TCF3: variants seen among roughly 807,000 people sequenced by gnomAD.
The protein encoded by TCF3 is transcription factor 3, also known as transcription factor E2-alpha.
TCF3 carries 54 observed loss-of-function variants against 72.3 expected under a neutral mutation model. The observed-to-expected ratio is 0.75, with a 90% CI of 0.60 to 0.94. TCF3 has a LOEUF of 0.94. Ranked by LOEUF, TCF3 falls within the 40% of genes least tolerant of loss-of-function variation. TCF3 has a pLI of 0.00. For synonymous variants in TCF3, 525 were observed against 412.6 expected, an observed-to-expected ratio of 1.27 and a Z score of -3.30; for missense variants, 1,078 against 934.4, an observed-to-expected ratio of 1.15 and a Z score of -2.00.
In TCF3 at chr19:1,648,829, G is replaced by T. The variant is rs371199784; in HGVS notation, c.72+1348C>A. On this transcript the variant is annotated intron_variant, in intron 2 of 18. Transcript: ENST00000262965. Reference sequence around the variant, plus strand: ...CTGCCACTGGGCATGGGGGGGGGGGGGGAGCAGAATTTAAGGACATCTGTA... The same window carrying T: ...CTGCCACTGGGCATGGGGGGGGGGGTGGAGCAGAATTTAAGGACATCTGTA... Among the ~76,000 whole-genome samples, 218 of 147,862 alleles carry T rather than the reference G, an allele frequency of 1.5e-3. 2 individuals are homozygous for T. The highest frequency in any genetic ancestry group is 5.3e-3 in the African/African-American group (214 of 40,150).
chr19:1,642,096 A>G (rs2065328386), intron 3 of TCF3, among the ~76,000 whole-genome samples: 1 of 151,706 alleles, frequency 6.6e-6, no homozygotes, highest in African/African-American at 2.4e-5. Context: ...TCCTGGGCTT[A>G]AAGAAGGTGC....
chr19:1,632,676 CCAGCTTT>C (rs1376698118), intron 3 of TCF3, among the ~76,000 whole-genome samples: 2 of 152,154 alleles, frequency 1.3e-5, no homozygotes, highest in East Asian at 3.9e-4. Flanking sequence ...CACTAAAGCC[CCAGCTTT>C]CATACCCTCC....
At chr19:1,616,018 GACC>G (rs2061514945) in intron 16 of TCF3, among the ~76,000 whole-genome samples, 197 bp from the exon 17 acceptor site, 1 of 152,168 alleles carries the variant, frequency 6.6e-6, no homozygotes, top group South Asian at 2.1e-4. Context: ...ACAGATTAAG[GACC>G]ACAAGATGAA....
chr19:1,611,526 T>A lies in TCF3; in HGVS notation c.*181A>T. ...GTAGGCCAGGGCCCCAGGGAGCTCC[T>A]GGACCCAGTGTCACCTTGGCCGCCC... On this transcript the variant is annotated 3_prime_UTR_variant, in exon 19 of 19. Coordinates refer to ENST00000262965, the MANE Select transcript of TCF3 (RefSeq NM_003200.5). The A allele has an allele frequency of 1.3e-6, 1 of 799,574 alleles. No homozygotes were observed. The highest frequency in any genetic ancestry group is 1.9e-6 in the Non-Finnish European group (1 of 532,700). The allele number at this position is 799,574 out of a possible 1,614,324, so 49.5% of individuals were successfully genotyped here.
At position 1,610,877 on chromosome 19, in the gene TCF3, C is replaced by A. The variant is rs902090425; in HGVS notation, c.*830G>T. The A allele has an allele frequency of 6.0e-6, 1 of 166,136 alleles. No homozygotes were observed. The highest frequency in any genetic ancestry group is 1.1e-5 in the Non-Finnish European group (1 of 87,930). The allele number at this position is 166,136 out of a possible 1,614,324, so 10.3% of individuals were successfully genotyped here. A position where few individuals can be genotyped will look rare whatever the true frequency, so the allele number is the denominator to read the frequency against. On this transcript the variant is annotated 3_prime_UTR_variant, in exon 19 of 19. Coordinates refer to ENST00000262965, the MANE Select transcript of TCF3 (RefSeq NM_003200.5). ...AAGAGAACCCCCAACATCAAAAAAA[C>A]AAAAGACCCGCCGCCTGTCCCCGTT...
At chr19:1,630,094 G>C (rs2063516113) in intron 5 of TCF3, among the ~76,000 whole-genome samples, 1 of 152,346 alleles carries the variant, frequency 6.6e-6, no homozygotes, top group Non-Finnish European at 1.5e-5. Context: ...GGGGTGGCAG[G>C]TGGGACATGG....
In TCF3 at chr19:1,620,953, A is replaced by C. The variant is rs1386135842; in HGVS notation, c.1093+15T>G. 1.4e-6 allele frequency: 2 copies of C among 1,427,752 alleles called. No individual in the cohort carries two copies. The highest frequency in any genetic ancestry group is 1.5e-5 in the South Asian group (1 of 68,810). 88.4% of individuals were successfully genotyped at this position (1,427,752 alleles called of 1,614,324 possible). A position where few individuals can be genotyped will look rare whatever the true frequency, so the allele number is the denominator to read the frequency against. ...ACAGACCTCAGCCTCCCCTCCCCCC[A>C]AAACCCTCACAGACCTGCCAGGCCC... On this transcript the variant is annotated intron_variant, in intron 13 of 18. Coordinates refer to ENST00000262965, the MANE Select transcript of TCF3 (RefSeq NM_003200.5).
At chr19:1,640,875 G>A (rs140048339) in intron 3 of TCF3, among the ~76,000 whole-genome samples, 2,439 of 151,868 alleles carry the variant, frequency 0.016, 67 homozygotes, top group African/African-American at 0.056. Context: ...GCGGCCAGGC[G>A]CGGTGGTTCA....
intron 5 of TCF3, among the ~76,000 whole-genome samples, chr19:1,631,425 T>C (rs955912952): frequency 6.6e-6 from 1 of 152,086 alleles, no homozygotes; most frequent in African/African-American, 2.4e-5. Flanking sequence ...TCCAACACCA[T>C]GACCGGCTAA....
At position 1,619,142 on chromosome 19, in the gene TCF3, AGGGAGGGTGCCTGGCTGGCTG is replaced by A. The variant is rs2061873787; in HGVS notation, c.1398_1418del (p.Ser467_Pro473del). ...AGGAGTCGGGAGGCCGAGACAGGTC[AGGGAGGGTGCCTGGCTGGCTG>A]GGGAGGGCCGCGTGGTTGTGCATGA... On this transcript the variant is annotated inframe_deletion, in exon 16 of 19. Coordinates refer to ENST00000262965, the MANE Select transcript of TCF3 (RefSeq NM_003200.5). The A allele has an allele frequency of 6.3e-7, 1 of 1,599,860 alleles. No homozygotes were observed. The highest frequency in any genetic ancestry group is 1.7e-5 in the Admixed American group (1 of 59,992).
At chr19:1,634,235 G>T (rs1425178661) in intron 3 of TCF3, among the ~76,000 whole-genome samples, 1 of 152,270 alleles carries the variant, frequency 6.6e-6, no homozygotes, top group Non-Finnish European at 1.5e-5. Context: ...GATTAATGAT[G>T]CATTTTAATA....
intron 13 of TCF3, 44 bp downstream of exon 13, chr19:1,620,924 C>A (rs2062120640): frequency 1.4e-6 from 2 of 1,433,358 alleles, no homozygotes; most frequent in African/African-American, 1.5e-5. Context: ...CCCCCCAAAC[C>A]CTCACAGACC....
At chr19:1,649,652 G>T (rs2066688101) in intron 2 of TCF3, among the ~76,000 whole-genome samples, 1 of 152,126 alleles carries the variant, frequency 6.6e-6, no homozygotes. Context: ...GGAACTCCTG[G>T]CCTCAAGCGA....
At chr19:1,644,408 C>T (rs1461621144) in intron 3 of TCF3, among the ~76,000 whole-genome samples, 1 of 152,130 alleles carries the variant, frequency 6.6e-6, no homozygotes, top group Non-Finnish European at 1.5e-5. Flanking sequence ...GGGGTCACCC[C>T]TCTGTGTCCA....
At chr19:1,631,627 G>A (rs991410182) in intron 5 of TCF3, among the ~76,000 whole-genome samples, 2 of 152,074 alleles carry the variant, frequency 1.3e-5, no homozygotes, top group Non-Finnish European at 2.9e-5. Flanking sequence ...GCGGGCGGGC[G>A]GTCTGCGGAA....
At chr19:1,632,989 C>T (rs1599839558) in intron 3 of TCF3, among the ~76,000 whole-genome samples, 1 of 152,160 alleles carries the variant, frequency 6.6e-6, no homozygotes, top group South Asian at 2.1e-4. Context: ...AGGGTGGAGC[C>T]GAATCTCATC....
chr19:1,619,904 T>G, intron 13 of TCF3, 51 bp from the exon 14 acceptor site: 1 of 1,441,796 alleles, frequency 6.9e-7, no homozygotes, highest in Non-Finnish European at 9.5e-7. Context: ...GGTGTGAGCA[T>G]GGCCTGATGC....
At chr19:1,633,734 T>A (rs909644711) in intron 3 of TCF3, among the ~76,000 whole-genome samples, 1 of 152,134 alleles carries the variant, frequency 6.6e-6, no homozygotes, top group South Asian at 2.1e-4. Flanking sequence ...GGGGCTCCTG[T>A]GGTCTCCAGG....
At chr19:1,627,468 G>A (rs759318715) in intron 5 of TCF3, 42 bp from the exon 6 acceptor site, 1 of 1,596,496 alleles carries the variant, frequency 6.3e-7, no homozygotes, top group South Asian at 1.1e-5. Context: ...CGACCCCAAG[G>A]AACATCCTGA....
Sources: gnomAD v4.1 joint callset for allele counts (sites outside exome capture counted in the v4.1 genomes callset) on GRCh38, gnomAD v4.1.1 for gene constraint, MANE v1.5 for transcripts, NCBI Gene and HGNC (gene_info 2026-07-23, HGNC 2026-07-21) for gene names.